The following RCAN2 variants were observed in gnomAD, a reference collection of about 807,000 sequenced individuals.
The protein encoded by RCAN2 is calcipressin-2.
RCAN2 carries 9 observed loss-of-function variants against 23.6 expected under a neutral mutation model. That is an observed-to-expected ratio of 0.38 (90% CI 0.23 to 0.67). RCAN2 has a LOEUF of 0.67. RCAN2 is among the 30% of genes least tolerant of loss of function. The pLI is 0.51. For missense variants in RCAN2, 273 were observed against 302.3 expected, an observed-to-expected ratio of 0.90 and a Z score of 0.72; for synonymous variants, 109 against 115.7, an observed-to-expected ratio of 0.94 and a Z score of 0.37.
intron 2 of RCAN2, among the ~76,000 whole-genome samples, chr6:46,378,966 C>A (rs1241952161): frequency 1.3e-5 from 2 of 152,160 alleles, no homozygotes; most frequent in Non-Finnish European, 2.9e-5. Flanking sequence ...TGAATCAAAT[C>A]ACTTGAATAG....
intron 2 of RCAN2, among the ~76,000 whole-genome samples, chr6:46,326,801 A>G (rs938984420): frequency 1.3e-5 from 2 of 152,172 alleles, no homozygotes; most frequent in Non-Finnish European, 2.9e-5. Context: ...TTACATGCAG[A>G]TGAGAAAGGT....
intron 2 of RCAN2, among the ~76,000 whole-genome samples, chr6:46,267,562 G>A (rs1333887211): frequency 6.6e-6 from 1 of 152,124 alleles, no homozygotes; most frequent in Non-Finnish European, 1.5e-5. Context: ...GCATGCACTG[G>A]TGGTCCCAAC....
chr6:46,384,524 A>AT (rs919512027), intron 2 of RCAN2, among the ~76,000 whole-genome samples: 2 of 152,236 alleles, frequency 1.3e-5, no homozygotes, highest in African/African-American at 4.8e-5. Context: ...GGCCAATGTA[A>AT]TTTTTGTTAA....
chr6:46,365,607 A>C (rs1436719316), intron 2 of RCAN2, among the ~76,000 whole-genome samples: 2 of 152,248 alleles, frequency 1.3e-5, no homozygotes, highest in Admixed American at 6.5e-5. Flanking sequence ...ATATGACAAA[A>C]TATTGCTATC....
At chr6:46,230,828 A>C (rs1276728994) in intron 4 of RCAN2, among the ~76,000 whole-genome samples, 1 of 152,148 alleles carries the variant, frequency 6.6e-6, no homozygotes, top group Admixed American at 6.5e-5. Context: ...GAAATCACCC[A>C]TCTTCTGCAT....
intron 2 of RCAN2, among the ~76,000 whole-genome samples, chr6:46,287,013 A>G (rs1262184017): frequency 1.3e-5 from 2 of 152,102 alleles, no homozygotes; most frequent in African/African-American, 2.4e-5. Context: ...CTCAAAAAAA[A>G]AAAAGAAAGA....
intron 2 of RCAN2, among the ~76,000 whole-genome samples, chr6:46,319,294 T>C (rs999461356): frequency 9.2e-5 from 14 of 152,184 alleles, no homozygotes; most frequent in Admixed American, 5.2e-4. Flanking sequence ...AACAAACCCA[T>C]ATAAATTACT....
chr6:46,349,450 CG>C (rs1208468991), intron 2 of RCAN2, among the ~76,000 whole-genome samples: 6 of 151,938 alleles, frequency 3.9e-5, no homozygotes, highest in Admixed American at 1.3e-4. Context: ...TAGGAAAAAT[CG>C]CTAATGCATT....
intron 4 of RCAN2, among the ~76,000 whole-genome samples, chr6:46,230,440 G>T (rs1274259744): frequency 6.6e-6 from 1 of 152,178 alleles, no homozygotes; most frequent in African/African-American, 2.4e-5. Flanking sequence ...TGAGCTTCCT[G>T]GCTGCTTTGT....
intron 1 of RCAN2, among the ~76,000 whole-genome samples, chr6:46,476,895 C>T (rs570204038): frequency 6.6e-6 from 1 of 152,170 alleles, no homozygotes; most frequent in African/African-American, 2.4e-5. Context: ...CTTTCGGTCC[C>T]CCAACTCTGA....
At chr6:46,338,605 ACT>A (rs1239936999) in intron 2 of RCAN2, among the ~76,000 whole-genome samples, 1 of 152,036 alleles carries the variant, frequency 6.6e-6, no homozygotes, top group East Asian at 1.9e-4. Context: ...CCTCCGACTC[ACT>A]CTGCTTCCCT....
At chr6:46,379,853 C>T (rs887130856) in intron 2 of RCAN2, among the ~76,000 whole-genome samples, 1 of 152,116 alleles carries the variant, frequency 6.6e-6, no homozygotes, top group Non-Finnish European at 1.5e-5. Context: ...ATCACTGTGT[C>T]GTTGGGATTT....
intron 1 of RCAN2, among the ~76,000 whole-genome samples, chr6:46,462,520 T>C (rs965846846): frequency 3.3e-5 from 5 of 152,172 alleles, no homozygotes; most frequent in African/African-American, 1.2e-4. Flanking sequence ...GTAAAGACAA[T>C]ATGTTTCCTA....
intron 2 of RCAN2, among the ~76,000 whole-genome samples, chr6:46,301,383 C>G (rs1007876205): frequency 6.6e-6 from 1 of 151,998 alleles, no homozygotes; most frequent in Non-Finnish European, 1.5e-5. Context: ...GCTCAAGGAC[C>G]CTGGGAACTT....
chr6:46,380,054 G>T (rs915703344), intron 2 of RCAN2, among the ~76,000 whole-genome samples: 1 of 152,152 alleles, frequency 6.6e-6, no homozygotes, highest in Non-Finnish European at 1.5e-5. Flanking sequence ...AGCATCAAAA[G>T]CAAAAAACTT....
intron 2 of RCAN2, among the ~76,000 whole-genome samples, chr6:46,305,200 G>A (rs1763023994): frequency 6.6e-6 from 1 of 152,114 alleles, no homozygotes; most frequent in African/African-American, 2.4e-5. Flanking sequence ...AAACCACTTG[G>A]TAGTCAATGC....
intron 2 of RCAN2, among the ~76,000 whole-genome samples, chr6:46,373,180 G>A (rs1765365764): frequency 6.6e-6 from 1 of 152,190 alleles, no homozygotes; most frequent in African/African-American, 2.4e-5. Context: ...TATAAGTTCA[G>A]TTGCTGGCAG....
At chr6:46,321,349 T>C (rs1482428755) in intron 2 of RCAN2, among the ~76,000 whole-genome samples, 1 of 152,234 alleles carries the variant, frequency 6.6e-6, no homozygotes, top group Non-Finnish European at 1.5e-5. Flanking sequence ...CAGGGACGTT[T>C]ATCGAACTCC....
intron 2 of RCAN2, among the ~76,000 whole-genome samples, chr6:46,436,797 CT>C (rs1303567291): frequency 6.6e-6 from 1 of 152,070 alleles, no homozygotes; most frequent in Non-Finnish European, 1.5e-5. Flanking sequence ...CTAAGGCCCT[CT>C]CTCTCTCAAT....
Sources: gnomAD v4.1 joint callset for allele counts (sites outside exome capture counted in the v4.1 genomes callset) on GRCh38, gnomAD v4.1.1 for gene constraint, MANE v1.5 for transcripts, NCBI Gene and HGNC (gene_info 2026-07-23, HGNC 2026-07-21) for gene names.